COG4: variants seen among roughly 807,000 people sequenced by gnomAD.
The protein encoded by COG4 is conserved oligomeric Golgi complex subunit 4.
Under a neutral mutation model 95.1 loss-of-function variants are expected in COG4, and 65 were observed. That is an observed-to-expected ratio of 0.68 (90% CI 0.56 to 0.84). COG4 has a LOEUF of 0.84. Ranked by LOEUF, COG4 falls within the 40% of genes least tolerant of loss-of-function variation. The probability of loss-of-function intolerance (pLI) is 0.00; values close to 1 mark genes in which losing one functional copy is unlikely to be tolerated. For synonymous variants in COG4, 421 were observed against 374.8 expected, an observed-to-expected ratio of 1.12 and a Z score of -1.42; for missense variants, 1,045 against 989.1, an observed-to-expected ratio of 1.06 and a Z score of -0.76.
At position 70,517,611 on chromosome 16, in the gene COG4, A is replaced by T. The variant is rs768292106; in HGVS notation, c.369+15T>A. 58 of 1,194,302 alleles carry T rather than the reference A, an allele frequency of 4.9e-5. No individual in the cohort carries two copies. The East Asian group carries it at 1.3e-3, about 26-fold the overall frequency. 74.0% of individuals were successfully genotyped at this position (1,194,302 alleles called of 1,614,324 possible). On this transcript the variant is annotated intron_variant, in intron 3 of 18. Transcript: ENST00000323786. Reference sequence around the variant, plus strand: ...TCAAAAAAAAAAAAAAAAAAAAAAAAGCTTGATGTATTACCTTGGCCAGGT... The same window carrying T: ...TCAAAAAAAAAAAAAAAAAAAAAAATGCTTGATGTATTACCTTGGCCAGGT...
intron 5 of COG4, among the ~76,000 whole-genome samples, chr16:70,511,047 G>C (rs1452216142): frequency 6.6e-6 from 1 of 152,194 alleles, no homozygotes; most frequent in Non-Finnish European, 1.5e-5. Context: ...TTACAGGCGT[G>C]AGTCACCGCG....
chr16:70,497,234 C>T lies in COG4; in HGVS notation c.1468G>A (p.Glu490Lys), dbSNP rs2049357674. ...AMINLATTELESDFRDVLCNK... is the reference protein window; with the variant it reads ...AMINLATTELKSDFRDVLCNK... ...AGTCAACTGTACCTGAAGTCAGACT[C>T]CAGCTCTGTGGTGGCGAGGTTGATC... The change falls in exon 11 of 19, where the codon GAG becomes AAG. Residue 490 changes from glutamate to lysine, a missense_variant. Coordinates refer to ENST00000323786, the MANE Select transcript of COG4 (RefSeq NM_015386.3). The T allele has an allele frequency of 5.0e-6, 8 of 1,614,166 alleles. No homozygotes were observed. Among genetic ancestry groups the T allele is most frequent in the Non-Finnish European group, 5.1e-6 (6 of 1,180,028 alleles).
At chr16:70,502,147 T>C (rs1448073115) in intron 8 of COG4, among the ~76,000 whole-genome samples, 4 of 151,010 alleles carry the variant, frequency 2.6e-5, no homozygotes, top group Non-Finnish European at 5.9e-5. Flanking sequence ...CTGGGTGTGG[T>C]GGCGCATGCC....
intron 1 of COG4, among the ~76,000 whole-genome samples, chr16:70,522,567 C>T (rs79690677): frequency 0.053 from 8,028 of 152,310 alleles, 273 homozygotes; most frequent in Middle Eastern, 0.12. Context: ...TCAACGATCA[C>T]CTCTCCCTCA....
intron 13 of COG4, among the ~76,000 whole-genome samples, chr16:70,487,275 C>CAAA (rs2049156583): frequency 5.1e-5 from 7 of 137,800 alleles, no homozygotes; most frequent in African/African-American, 2.0e-4. Context: ...GAATCGGTCT[C>CAAA]AAAAAATAAA....
intron 4 of COG4, among the ~76,000 whole-genome samples, chr16:70,513,396 C>T (rs1028957636): frequency 3.9e-5 from 6 of 152,128 alleles, no homozygotes; most frequent in Admixed American, 6.5e-5. Context: ...GTTTCCTTTT[C>T]CATAAAATGG....
intron 14 of COG4, 61 bp downstream of exon 14, chr16:70,483,792 C>A: frequency 7.6e-7 from 1 of 1,309,742 alleles, no homozygotes; most frequent in Non-Finnish European, 1.1e-6. Context: ...AGCCAGCTAA[C>A]AATCTTCTCA....
At chr16:70,482,296 C>CA in intron 15 of COG4, 121 bp from the exon 16 acceptor site, 1 of 760,702 alleles carries the variant, frequency 1.3e-6, no homozygotes. Flanking sequence ...TGCCTTCTGA[C>CA]TCATCTAGTT....
rs778344056 is a variant in COG4, at chr16:70,509,335, G to A, written c.898C>T (p.Pro300Ser). 1 of 1,613,964 alleles carries A rather than the reference G, an allele frequency of 6.2e-7. No homozygotes were observed. The stretch of plus-strand genomic sequence containing the variant: ...TTGATCAGGGTATAGAGTCTCCCTG[G>A]CCCATAATAGGTCTCCACTATTGGC... ...HQPIVETYYG[P>S]GRLYTLIKYL... The change falls in exon 7 of 19, where the codon CCA (proline) becomes TCA (serine). Residue 300 changes from proline to serine, a missense_variant. Physicochemically the swap from Pro to Ser is moderately conservative, Grantham distance 74. Coordinates refer to ENST00000323786, the MANE Select transcript of COG4 (RefSeq NM_015386.3).
intron 13 of COG4, among the ~76,000 whole-genome samples, chr16:70,490,054 G>A (rs1402305775): frequency 6.6e-6 from 1 of 152,044 alleles, no homozygotes; most frequent in East Asian, 1.9e-4. Flanking sequence ...CTGACCTCAA[G>A]TGATCCACCC....
At chr16:70,516,148 G>T in intron 3 of COG4, 2 of 423,492 alleles carry the variant, frequency 4.7e-6, no homozygotes, top group Non-Finnish European at 4.7e-6. Context: ...TATTAGGATG[G>T]TGCAAAAGTA....
chr16:70,484,078 C>T (rs1017986539), intron 13 of COG4, 109 bp from the exon 14 acceptor site: 59 of 841,344 alleles, frequency 7.0e-5, no homozygotes, highest in Admixed American at 1.3e-4. Context: ...GTCAAGAGCC[C>T]GGATGGGTTT....
chr16:70,509,724 A>C, intron 6 of COG4, 192 bp downstream of exon 6: 1 of 631,684 alleles, frequency 1.6e-6, no homozygotes, highest in Non-Finnish European at 2.8e-6. Flanking sequence ...GGTAGGATCA[A>C]AACACTGGAG....
intron 4 of COG4, 82 bp from the exon 5 acceptor site, chr16:70,512,514 T>C: frequency 8.7e-7 from 1 of 1,146,728 alleles, no homozygotes; most frequent in Non-Finnish European, 1.3e-6. Context: ...ATACTATTCA[T>C]CCAGCAAATA....
chr16:70,513,436 G>A (rs1264502908), intron 4 of COG4, among the ~76,000 whole-genome samples: 1 of 152,078 alleles, frequency 6.6e-6, no homozygotes, highest in Non-Finnish European at 1.5e-5. Flanking sequence ...TATCTGTAGG[G>A]GATCCATTCC....
At chr16:70,510,118 T>C (rs2049669215) in intron 5 of COG4, 97 bp from the exon 6 acceptor site, 1 of 972,328 alleles carries the variant, frequency 1.0e-6, no homozygotes, top group African/African-American at 1.6e-5. Flanking sequence ...GACTTTCTTT[T>C]TTTTCACATT....
At chr16:70,495,575 C>G (rs1045850749) in intron 12 of COG4, among the ~76,000 whole-genome samples, 1 of 152,038 alleles carries the variant, frequency 6.6e-6, no homozygotes, top group African/African-American at 2.4e-5. Context: ...GGGGATGGAG[C>G]AGAATGGACC....
rs766612152 is a variant in COG4, at chr16:70,519,633, A to C, written c.254+16T>G. 4 of 1,597,934 alleles carry C rather than the reference A, an allele frequency of 2.5e-6. No homozygotes were observed. Among genetic ancestry groups the C allele is most frequent in the Non-Finnish European group, 3.4e-6 (4 of 1,165,756 alleles). On this transcript the variant is annotated intron_variant, in intron 2 of 18. Transcript: ENST00000323786. Reference sequence around the variant, plus strand: ...TTGGAATTTACATTAGCTCTTGCTGAGATGCACAGACTCACCCCATTCGGT... The same window carrying C: ...TTGGAATTTACATTAGCTCTTGCTGCGATGCACAGACTCACCCCATTCGGT...
chr16:70,493,176 T>TCTCCA (rs1158772693), intron 12 of COG4, among the ~76,000 whole-genome samples: 5 of 152,180 alleles, frequency 3.3e-5, no homozygotes, highest in Non-Finnish European at 4.4e-5. Flanking sequence ...TCCAGCTCAC[T>TCTCCA]GTCCTATTTG....
Sources: gnomAD v4.1 joint callset for allele counts (sites outside exome capture counted in the v4.1 genomes callset) on GRCh38, gnomAD v4.1.1 for gene constraint, MANE v1.5 for transcripts, NCBI Gene and HGNC (gene_info 2026-07-23, HGNC 2026-07-21) for gene names.